TRPM3: variants seen among roughly 807,000 people sequenced by gnomAD.
TRPM3 encodes transient receptor potential cation channel subfamily M member 3.
In TRPM3, 77 loss-of-function variants were observed where a neutral mutation model predicts 181.2. The observed-to-expected ratio is 0.42, with a 90% CI of 0.35 to 0.51. TRPM3 has a LOEUF of 0.51. TRPM3 is among the 20% of genes least tolerant of loss of function. The probability of loss-of-function intolerance (pLI) is 0.01; values close to 1 mark genes in which losing one functional copy is unlikely to be tolerated. For synonymous variants in TRPM3, 745 were observed against 796.4 expected (o/e 0.94, Z 1.09); for missense variants, 1,759 against 2,196.7 (o/e 0.80, Z 3.98).
chr9:71,419,960 A>G (rs1049131658), intron 1 of TRPM3, among the ~76,000 whole-genome samples: 1 of 152,044 alleles, frequency 6.6e-6, no homozygotes, highest in African/African-American at 2.4e-5. Context: ...TCAATAAAAT[A>G]CAACATAACT....
intron 9 of TRPM3, among the ~76,000 whole-genome samples, chr9:70,646,562 C>T (rs1215147292): frequency 6.6e-6 from 1 of 151,952 alleles, no homozygotes; most frequent in East Asian, 1.9e-4. Context: ...ACGCCAGGGC[C>T]TGTTAGGGGG....
chr9:71,422,699 G>A (rs1394371372), intron 1 of TRPM3, among the ~76,000 whole-genome samples: 3 of 152,000 alleles, frequency 2.0e-5, no homozygotes, highest in African/African-American at 7.2e-5. Context: ...AGACACATTT[G>A]ACTAAACTCC....
At chr9:70,957,755 A>G (rs998092026) in intron 1 of TRPM3, among the ~76,000 whole-genome samples, 2 of 152,150 alleles carry the variant, frequency 1.3e-5, no homozygotes, top group South Asian at 2.1e-4. Context: ...GGCATCTACT[A>G]TCGAACATCA....
chr9:70,846,674 G>T, intron 3 of TRPM3, 83 bp from the exon 4 acceptor site: 2 of 1,131,054 alleles, frequency 1.8e-6, no homozygotes, highest in Non-Finnish European at 2.6e-6. Flanking sequence ...AATTATATGT[G>T]TAGTTATGTG....
chr9:71,303,118 C>G (rs2086929641), intron 1 of TRPM3, among the ~76,000 whole-genome samples: 1 of 152,102 alleles, frequency 6.6e-6, no homozygotes. Context: ...GACACCCCAC[C>G]CCATCCCACC....
chr9:70,573,686 T>TA (rs1475197925), intron 22 of TRPM3, among the ~76,000 whole-genome samples: 1 of 151,878 alleles, frequency 6.6e-6, no homozygotes, highest in African/African-American at 2.4e-5. Flanking sequence ...GGTAAAGTTT[T>TA]CAAAAAAAAA....
Position 70,889,522 on chromosome 9 carries a change from C to T in TRPM3, c.178-25011G>A, listed in dbSNP as rs551481078. ...CCATCTGTACCCCACCCAACACACA[C>T]CTTCCAGCAGGATAGTGGTGGACTT... On this transcript the variant is annotated intron_variant, in intron 1 of 25. Coordinates refer to ENST00000677713, the MANE Select transcript of TRPM3 (RefSeq NM_001366145.2). 3.9e-5 allele frequency among the ~76,000 whole-genome samples: 6 copies of T among 152,284 alleles called. No individual in the cohort carries two copies. The East Asian group carries it at 1.2e-3, about 29-fold the overall frequency.
At chr9:70,939,431 G>A (rs10435961) in intron 1 of TRPM3, among the ~76,000 whole-genome samples, 6 of 152,066 alleles carry the variant, frequency 3.9e-5, no homozygotes, top group East Asian at 1.9e-4. Context: ...CTCTGATTTC[G>A]GCAGTACGGC....
intron 1 of TRPM3, among the ~76,000 whole-genome samples, chr9:71,136,702 G>T (rs956979857): frequency 6.6e-6 from 1 of 152,152 alleles, no homozygotes; most frequent in Non-Finnish European, 1.5e-5. Flanking sequence ...CACAGGAACA[G>T]TAGCCTCAGG....
intron 22 of TRPM3, among the ~76,000 whole-genome samples, chr9:70,582,021 CACAT>C (rs1265035910): frequency 3.3e-5 from 5 of 151,852 alleles, no homozygotes; most frequent in Non-Finnish European, 2.9e-5. Flanking sequence ...CTAATCTCTG[CACAT>C]ATACTACAAT....
chr9:70,914,695 G>A lies in TRPM3; in HGVS notation c.178-50184C>T, dbSNP rs146693855. On this transcript the variant is annotated intron_variant, in intron 1 of 25. Transcript: ENST00000677713. ...TCTGACCCAGCACAGTCCTAGTGCT[G>A]GTGGTCACAGGAGTGCTTGTGTCAC... Among the ~76,000 whole-genome samples the A allele has an allele frequency of 2.0e-5, 3 of 152,312 alleles. No homozygotes were observed. In the East Asian group the frequency reaches 5.8e-4, roughly 29 times the overall value.
intron 1 of TRPM3, among the ~76,000 whole-genome samples, chr9:71,093,869 A>C (rs556163298): frequency 6.6e-6 from 1 of 152,274 alleles, no homozygotes; most frequent in African/African-American, 2.4e-5. Flanking sequence ...GGATAAAGAA[A>C]ATATGGCACA....
At chr9:71,051,212 G>A (rs2060022176) in intron 1 of TRPM3, among the ~76,000 whole-genome samples, 1 of 152,054 alleles carries the variant, frequency 6.6e-6, no homozygotes, top group Non-Finnish European at 1.5e-5. Flanking sequence ...CTAGATTTGT[G>A]GCCTCAGCCT....
intron 6 of TRPM3, among the ~76,000 whole-genome samples, chr9:70,812,791 T>A (rs978088189): frequency 1.3e-5 from 2 of 151,654 alleles, no homozygotes; most frequent in Non-Finnish European, 2.9e-5. Flanking sequence ...CAAACTCTAA[T>A]GAAAAAAAAT....
intron 5 of TRPM3, among the ~76,000 whole-genome samples, chr9:70,840,053 A>T (rs572381856): frequency 7.0e-4 from 107 of 152,248 alleles, no homozygotes; most frequent in Non-Finnish European, 1.2e-3. Flanking sequence ...CATTTTATTC[A>T]AACACCTCTT....
intron 1 of TRPM3, among the ~76,000 whole-genome samples, chr9:71,053,543 G>C (rs2060306079): frequency 6.6e-6 from 1 of 152,114 alleles, no homozygotes; most frequent in East Asian, 1.9e-4. Flanking sequence ...GATAATGAAA[G>C]AGGTACAGAT....
At chr9:71,275,160 T>C (rs1353926055) in intron 1 of TRPM3, among the ~76,000 whole-genome samples, 1 of 152,236 alleles carries the variant, frequency 6.6e-6, no homozygotes, top group African/African-American at 2.4e-5. Flanking sequence ...TAAAAAAGAA[T>C]CTTCCAACGA....
chr9:70,831,978 T>C (rs1181186447), intron 5 of TRPM3, among the ~76,000 whole-genome samples: 1 of 114,456 alleles, frequency 8.7e-6, no homozygotes, highest in East Asian at 2.1e-4. Flanking sequence ...TATATATATA[T>C]ATATATATAT....
intron 1 of TRPM3, among the ~76,000 whole-genome samples, chr9:71,109,407 C>T (rs1285292978): frequency 1.3e-5 from 2 of 151,936 alleles, no homozygotes; most frequent in Non-Finnish European, 2.9e-5. Context: ...TTACAAAAGA[C>T]TCCTTGAATT....
Sources: gnomAD v4.1 joint callset for allele counts (sites outside exome capture counted in the v4.1 genomes callset) on GRCh38, gnomAD v4.1.1 for gene constraint, MANE v1.5 for transcripts, NCBI Gene and HGNC (gene_info 2026-07-23, HGNC 2026-07-21) for gene names.